Variants in IRAK1BP1 observed in about 807,000 individuals in gnomAD.
The protein encoded by IRAK1BP1 is interleukin 1 receptor associated kinase 1 binding protein 1, also known as interleukin-1 receptor-associated kinase 1-binding protein 1.
IRAK1BP1 carries 24 observed loss-of-function variants against 28.0 expected under a neutral mutation model. The observed-to-expected ratio is 0.86, with a 90% CI of 0.62 to 1.20. IRAK1BP1 has a LOEUF of 1.20. Ranked by LOEUF, IRAK1BP1 falls within the 50% of genes most tolerant of loss-of-function variation. The pLI is 0.00. For missense variants in IRAK1BP1, 336 were observed against 316.7 expected, an observed-to-expected ratio of 1.06 and a Z score of -0.46; for synonymous variants, 131 against 116.3, an observed-to-expected ratio of 1.13 and a Z score of -0.81.
In IRAK1BP1 at chr6:78,867,605, G is replaced by A. The variant is rs1397992263; in HGVS notation, c.29G>A (p.Arg10Gln). Residue 10 changes from arginine (R) to glutamine (Q), a missense_variant, in exon 1 of 4, where the codon CGA becomes CAA. Physicochemically the swap from Arg to Gln is conservative, Grantham distance 43. Coordinates refer to ENST00000369940, the MANE Select transcript of IRAK1BP1 (RefSeq NM_001010844.4). Reference protein sequence around the residue: MSLQKTPPTRVFVELVPWAD... With the variant: MSLQKTPPTQVFVELVPWAD... ...TCTCTGCAAAAGACCCCTCCGACCC[G>A]AGTGTTCGTGGAACTGGTTCCCTGG... 1.2e-6 allele frequency: 2 copies of A among 1,614,142 alleles called. No individual in the cohort carries two copies. Among genetic ancestry groups the A allele is most frequent in the Admixed American group, 1.7e-5 (1 of 60,016 alleles).
intron 4 of IRAK1BP1, chr6:78,940,548 G>GTTT (rs36155238): frequency 0.016 from 1,302 of 82,690 alleles, 293 homozygotes; most frequent in African/African-American, 0.033. Flanking sequence ...TCGTAAGTTT[G>GTTT]TTTTTTTTTT....
At chr6:78,932,452 G>A (rs144242027) in intron 4 of IRAK1BP1, among the ~76,000 whole-genome samples, 10,463 of 105,290 alleles carry the variant, frequency 0.099, 492 homozygotes, top group Middle Eastern at 0.22. Context: ...ATGGAGTTTC[G>A]CTGTTGTTGC....
the IRAK1BP1 span, chr6:78,954,749 C>A: frequency 5.3e-6 from 5 of 951,356 alleles, no homozygotes; most frequent in South Asian, 1.7e-5. Flanking sequence ...CTAAAATAGC[C>A]AACTGTCATG....
At chr6:78,908,986 G>A (rs1000649428) in intron 4 of IRAK1BP1, among the ~76,000 whole-genome samples, 3 of 152,152 alleles carry the variant, frequency 2.0e-5, no homozygotes, top group Admixed American at 6.5e-5. Flanking sequence ...CCAGCCTTTG[G>A]CATTAGAACG....
At chr6:78,879,763 C>T (rs1220380622) in intron 1 of IRAK1BP1, among the ~76,000 whole-genome samples, 2 of 152,098 alleles carry the variant, frequency 1.3e-5, no homozygotes, top group Non-Finnish European at 2.9e-5. Flanking sequence ...GTCAGTCCCC[C>T]ATGGCCAGCA....
chr6:78,918,863 C>G (rs1182485452), intron 4 of IRAK1BP1, among the ~76,000 whole-genome samples: 1 of 152,144 alleles, frequency 6.6e-6, no homozygotes, highest in East Asian at 1.9e-4. Flanking sequence ...ATGTAATAGG[C>G]ACTACAGAAT....
At chr6:78,955,211 C>T in the IRAK1BP1 span, 9 of 1,552,392 alleles carry the variant, frequency 5.8e-6, no homozygotes, top group Non-Finnish European at 7.1e-6. Context: ...AGTACTTCTG[C>T]TAAAACTAAA....
the IRAK1BP1 span, among the ~76,000 whole-genome samples, chr6:78,954,622 T>C: frequency 6.6e-6 from 1 of 152,162 alleles, no homozygotes; most frequent in Non-Finnish European, 1.5e-5. Context: ...AGTGTCTTCA[T>C]TCAGGGCTCC....
At chr6:78,977,901 G>T in the IRAK1BP1 span, among the ~76,000 whole-genome samples, 2 of 151,880 alleles carry the variant, frequency 1.3e-5, no homozygotes, top group African/African-American at 2.4e-5. Context: ...ACTTTATACT[G>T]TAAATTAGTG....
chr6:78,960,680 A>G, the IRAK1BP1 span, among the ~76,000 whole-genome samples: 2 of 152,076 alleles, frequency 1.3e-5, no homozygotes, highest in East Asian at 3.9e-4. Context: ...GTGGTTCTCA[A>G]TCAAGGACAA....
intron 4 of IRAK1BP1, chr6:78,937,670 T>A (rs1311423898): frequency 1.4e-5 from 2 of 140,044 alleles, no homozygotes; most frequent in East Asian, 5.4e-4. Flanking sequence ...TAAAAACAAT[T>A]GAAATAAGGC....
At chr6:78,930,425 AGT>A (rs1396969158) in intron 4 of IRAK1BP1, among the ~76,000 whole-genome samples, 11 of 152,184 alleles carry the variant, frequency 7.2e-5, no homozygotes, top group African/African-American at 1.4e-4. Context: ...TTTTAATAAA[AGT>A]GTTCATTTTT....
intron 4 of IRAK1BP1, among the ~76,000 whole-genome samples, chr6:78,922,815 A>G (rs1185327238): frequency 3.9e-5 from 6 of 152,154 alleles, no homozygotes; most frequent in Non-Finnish European, 5.9e-5. Context: ...TTCATATCCA[A>G]CCAAACTAAG....
At position 78,898,945 on chromosome 6, in the gene IRAK1BP1, AGACTT is replaced by A. The variant is rs1382748697; in HGVS notation, c.*614_*618del. 1.3e-5 allele frequency: 2 copies of A among 152,178 alleles called. No individual in the cohort carries two copies. Among genetic ancestry groups the A allele is most frequent in the South Asian group, 4.1e-4 (2 of 4,824 alleles). The allele number at this position is 152,178 out of a possible 1,614,324, so 9.4% of individuals were successfully genotyped here. On this transcript the variant is annotated 3_prime_UTR_variant, in exon 4 of 4. Transcript: ENST00000369940. ...TTACTTCTTCATGGATGCTAACAGA[AGACTT>A]GAGATTCCCAGACAGAAACAAAGGA...
At chr6:78,966,050 C>T in the IRAK1BP1 span, 6 of 1,608,204 alleles carry the variant, frequency 3.7e-6, no homozygotes, top group Non-Finnish European at 4.3e-6. Context: ...AGACCTGAAG[C>T]GGTCACCTGG....
the IRAK1BP1 span, among the ~76,000 whole-genome samples, chr6:78,966,737 A>G: frequency 5.9e-5 from 9 of 152,188 alleles, no homozygotes; most frequent in Non-Finnish European, 1.3e-4. Context: ...TTTCTTATCT[A>G]AATATTCTCA....
chr6:78,954,712 G>T, the IRAK1BP1 span: 1 of 731,030 alleles, frequency 1.4e-6, no homozygotes, highest in Non-Finnish European at 2.2e-6. Context: ...AAATAATAAA[G>T]AAATAAACTA....
the IRAK1BP1 span, among the ~76,000 whole-genome samples, chr6:78,968,845 CACAAAGACAAACTTGTTA>C: frequency 3.1e-3 from 472 of 152,208 alleles, 1 homozygote; most frequent in African/African-American, 0.011. Context: ...TGTAATTTTC[CACAAAGACAAACTTGTTA>C]GATAAGTTAT....
chr6:78,897,892 C>T lies in IRAK1BP1; in HGVS notation c.445C>T (p.Leu149=). 1 of 1,613,626 alleles carries T rather than the reference C, an allele frequency of 6.2e-7. No individual in the cohort carries two copies. Among genetic ancestry groups the T allele is most frequent in the Non-Finnish European group, 8.5e-7 (1 of 1,179,638 alleles). The change falls in exon 3 of 4, where the codon CTA becomes TTA. Residue 149 remains leucine (L), a synonymous_variant. Transcript: ENST00000369940. ...QNICNFLVEK[L]DSSVVISPPQ... ...TATTTGTAACTTTCTTGTTGAAAAG[C>T]TAGATAGCTCTGTTGTCATCAGCCC...
Sources: allele counts gnomAD v4.1 joint callset (sites outside exome capture counted in the v4.1 genomes callset), GRCh38; gene constraint gnomAD v4.1.1; transcripts MANE v1.5; gene names NCBI Gene and HGNC (gene_info 2026-07-23, HGNC 2026-07-21).